FOXO3: variants seen among roughly 807,000 people sequenced by gnomAD.
FOXO3 encodes forkhead box O3.
FOXO3 carries 4 observed loss-of-function variants against 41.9 expected under a neutral mutation model. That is an observed-to-expected ratio of 0.10 (90% CI 0.05 to 0.22). The LOEUF is 0.22. Among genes scored for constraint, FOXO3 ranks in the 10% least tolerant of loss-of-function variants. FOXO3 has a pLI of 1.00. For missense variants in FOXO3, 534 were observed against 906.8 expected (o/e 0.59, Z 5.28); for synonymous variants, 318 against 389.3 (o/e 0.82, Z 2.16).
At position 108,566,633 on chromosome 6, in the gene FOXO3, G is replaced by GCAGGTGCAT. The variant is rs531645435; in HGVS notation, c.621+4808_621+4816dup. On this transcript the variant is annotated intron_variant, in intron 1 of 2. Coordinates refer to ENST00000406360, the MANE Select transcript of FOXO3 (RefSeq NM_001455.4). ...TGGCAGGTTGCCCCACTTACCCAGAGCAGGTGCATCAGATTCCAGATTCCC... is the reference window on the plus strand; with the variant it reads ...TGGCAGGTTGCCCCACTTACCCAGAGCAGGTGCATCAGGTGCATCAGATTCCAGATTCCC... Among the ~76,000 whole-genome samples, 21 of 152,230 alleles carry GCAGGTGCAT rather than the reference G, an allele frequency of 1.4e-4. No homozygotes were observed. The East Asian group carries it at 3.7e-3, about 27-fold the overall frequency.
chr6:108,575,208 T>TC (rs1404486146), intron 1 of FOXO3, among the ~76,000 whole-genome samples: 3 of 152,300 alleles, frequency 2.0e-5, no homozygotes, highest in Middle Eastern at 3.4e-3. Context: ...AAACTACTTT[T>TC]TTCCTGAAGT....
chr6:108,636,248 G>A (rs1778117144), intron 1 of FOXO3, among the ~76,000 whole-genome samples: 1 of 152,204 alleles, frequency 6.6e-6, no homozygotes, highest in South Asian at 2.1e-4. Flanking sequence ...CATAGATGTT[G>A]GGGGTGGTGA....
chr6:108,629,179 G>A (rs1382295929), intron 1 of FOXO3, among the ~76,000 whole-genome samples: 2 of 152,194 alleles, frequency 1.3e-5, no homozygotes, highest in African/African-American at 2.4e-5. Flanking sequence ...TGGTGGCGGT[G>A]TGGTGATCAC....
intron 1 of FOXO3, among the ~76,000 whole-genome samples, chr6:108,614,493 G>A (rs1042537892): frequency 6.6e-6 from 1 of 152,022 alleles, no homozygotes; most frequent in African/African-American, 2.4e-5. Context: ...GGCAGTATTT[G>A]TTGTTGAAAT....
At position 108,678,890 on chromosome 6, in the gene FOXO3, T is replaced by TTTTC. The variant is rs368405598; in HGVS notation, c.*35-936_*35-935insTTCT. On this transcript the variant is annotated intron_variant, in intron 2 of 2. Transcript: ENST00000406360. ...AATTCTTTTTTTTTTTTTTTTTTTT[T>TTTTC]TGAGACGGAGTCTCGCTGTCGCTCA... Among the ~76,000 whole-genome samples, 22 of 115,412 alleles carry TTTTC rather than the reference T, an allele frequency of 1.9e-4. 4 individuals are homozygous for TTTTC. Among genetic ancestry groups the TTTTC allele is most frequent in the Non-Finnish European group, 3.2e-4 (18 of 55,938 alleles). 75.7% of individuals were successfully genotyped at this position (115,412 alleles called of 152,430 possible).
chr6:108,612,336 C>G (rs1284597899), intron 1 of FOXO3, among the ~76,000 whole-genome samples: 2 of 152,032 alleles, frequency 1.3e-5, no homozygotes, highest in Admixed American at 1.3e-4. Flanking sequence ...TTGTAATACC[C>G]TTTTTGTAGA....
chr6:108,575,661 C>T (rs555950756), intron 1 of FOXO3, among the ~76,000 whole-genome samples: 10 of 152,094 alleles, frequency 6.6e-5, no homozygotes, highest in Non-Finnish European at 4.4e-5. Context: ...CATTTCAGTC[C>T]GAATTGGATA....
intron 1 of FOXO3, among the ~76,000 whole-genome samples, chr6:108,638,077 G>C (rs573149548): frequency 3.3e-4 from 51 of 152,280 alleles, no homozygotes; most frequent in African/African-American, 1.0e-3. Context: ...TTTTTACCCT[G>C]TTTTTCTCAT....
At chr6:108,573,352 A>G (rs1202548891) in intron 1 of FOXO3, among the ~76,000 whole-genome samples, 3 of 152,126 alleles carry the variant, frequency 2.0e-5, no homozygotes, top group South Asian at 2.1e-4. Flanking sequence ...TTTCTACTCT[A>G]TGCTGCATTC....
Position 108,661,248 on chromosome 6 carries a change from CG to C in FOXO3, c.622-2201del, listed in dbSNP as rs372962632. On this transcript the variant is annotated intron_variant, in intron 1 of 2. Coordinates refer to ENST00000406360, the MANE Select transcript of FOXO3 (RefSeq NM_001455.4). Reference sequence around the variant, plus strand: ...CAGAGTGGGACTCTGTCTCGGGCGGCGGGGGGAACATTCTGGTAGAAGCATG... The same window carrying C: ...CAGAGTGGGACTCTGTCTCGGGCGGCGGGGGAACATTCTGGTAGAAGCATG... Among the ~76,000 whole-genome samples, 16 of 151,810 alleles carry C rather than the reference CG, an allele frequency of 1.1e-4. No individual in the cohort carries two copies. The South Asian group carries it at 1.7e-3, about 16-fold the overall frequency.
chr6:108,663,816 T>C lies in FOXO3; in HGVS notation c.983T>C (p.Met328Thr). 6 of 1,613,922 alleles carry C rather than the reference T, an allele frequency of 3.7e-6. No individual in the cohort carries two copies. The highest frequency in any genetic ancestry group is 4.2e-6 in the Non-Finnish European group (5 of 1,179,836). Residue 328 changes from methionine (M) to threonine (T), a missense_variant, in exon 2 of 3, where the codon ATG becomes ACG. By Grantham distance (81) the Met-to-Thr change is moderately conservative. Transcript: ENST00000406360. ...STVSGRLSPIMASTELDEVQD... is the reference protein window; with the variant it reads ...STVSGRLSPITASTELDEVQD... ...GTCAGTGGCCGCCTGTCGCCCATCA[T>C]GGCAAGCACAGAGTTGGATGAAGTC...
At chr6:108,601,493 G>A (rs1271115420) in intron 1 of FOXO3, among the ~76,000 whole-genome samples, 4 of 151,992 alleles carry the variant, frequency 2.6e-5, no homozygotes, top group Admixed American at 2.0e-4. Context: ...TAGTAGAGAC[G>A]GAGTTTCACC....
chr6:108,603,232 G>T (rs1306520700), intron 1 of FOXO3, among the ~76,000 whole-genome samples: 1 of 152,126 alleles, frequency 6.6e-6, no homozygotes, highest in Non-Finnish European at 1.5e-5. Context: ...GTTGTGCTCA[G>T]TAACTTCTCT....
upstream of FOXO3, among the ~76,000 whole-genome samples, chr6:108,560,707 G>A (rs1052920341): frequency 4.6e-5 from 7 of 152,062 alleles, no homozygotes; most frequent in Non-Finnish European, 8.8e-5. Flanking sequence ...GCACACCCGA[G>A]CTCGGGCTCT....
chr6:108,622,458 G>T (rs1444738787), intron 1 of FOXO3, among the ~76,000 whole-genome samples: 1 of 152,120 alleles, frequency 6.6e-6, no homozygotes, highest in African/African-American at 2.4e-5. Context: ...CTTGCCCCTT[G>T]GAGAATTACT....
intron 1 of FOXO3, among the ~76,000 whole-genome samples, chr6:108,572,397 A>C (rs1198290631): frequency 6.6e-6 from 1 of 152,192 alleles, no homozygotes; most frequent in Non-Finnish European, 1.5e-5. Context: ...TGGTTGGTTC[A>C]AGCCTTGTAG....
intron 2 of FOXO3, among the ~76,000 whole-genome samples, chr6:108,667,295 C>G (rs1201439411): frequency 6.6e-6 from 1 of 152,106 alleles, no homozygotes; most frequent in African/African-American, 2.4e-5. Flanking sequence ...GATATTTGGC[C>G]TTTAGAAGAC....
At chr6:108,583,110 C>T (rs1022029336) in intron 1 of FOXO3, among the ~76,000 whole-genome samples, 2 of 152,174 alleles carry the variant, frequency 1.3e-5, no homozygotes, top group Non-Finnish European at 2.9e-5. Flanking sequence ...GAACTGACTC[C>T]GTGGTCACCA....
At chr6:108,646,484 A>T (rs1001914726) in intron 1 of FOXO3, among the ~76,000 whole-genome samples, 2 of 152,122 alleles carry the variant, frequency 1.3e-5, no homozygotes, top group Admixed American at 6.5e-5. Context: ...TTTTTTCCCA[A>T]ATCTTAATTA....
Sources: gnomAD v4.1 joint callset for allele counts (sites outside exome capture counted in the v4.1 genomes callset) on GRCh38, gnomAD v4.1.1 for gene constraint, MANE v1.5 for transcripts, NCBI Gene and HGNC (gene_info 2026-07-23, HGNC 2026-07-21) for gene names.